The following ABCC6 variants were observed in gnomAD, a reference collection of about 807,000 sequenced individuals.
ABCC6 encodes the protein ATP-binding cassette sub-family C member 6.
ABCC6 carries 126 observed loss-of-function variants against 169.5 expected under a neutral mutation model. The observed-to-expected ratio is 0.74, with a 90% CI of 0.64 to 0.86. The LOEUF is 0.86. Ranked by LOEUF, ABCC6 falls within the 40% of genes least tolerant of loss-of-function variation. The pLI, the probability that ABCC6 is intolerant of heterozygous loss-of-function variation, is 0.00. For missense variants in ABCC6, 1,733 were observed against 1,927.2 expected, an observed-to-expected ratio of 0.90 and a Z score of 1.89; for synonymous variants, 752 against 814.7, an observed-to-expected ratio of 0.92 and a Z score of 1.31.
intron 9 of ABCC6, 150 bp from the exon 10 acceptor site, chr16:16,198,332 G>C: frequency 2.5e-6 from 2 of 799,652 alleles, no homozygotes; most frequent in South Asian, 3.6e-5. Context: ...GGCTCTTTGA[G>C]GATCCACAGA....
At chr16:16,180,404 T>G (rs2047427690) in intron 17 of ABCC6, among the ~76,000 whole-genome samples, 1 of 152,238 alleles carries the variant, frequency 6.6e-6, no homozygotes, top group East Asian at 1.9e-4. Context: ...TAAATGATCA[T>G]TAACTATAAT....
Position 16,176,096 on chromosome 16 carries a change from T to G in ABCC6, c.2591-110A>C. The G allele has an allele frequency of 5.8e-6, 6 of 1,035,930 alleles. No individual in the cohort carries two copies. The East Asian group carries it at 1.5e-4, about 25-fold the overall frequency. 64.2% of individuals were successfully genotyped at this position (1,035,930 alleles called of 1,614,324 possible). On this transcript the variant is annotated intron_variant, in intron 19 of 30. Coordinates refer to ENST00000205557, the MANE Select transcript of ABCC6 (RefSeq NM_001171.6). ...GACCATCCATTTCCCCTGATCTGGC[T>G]CCTGCCACGTCTCCAGCAACCTCTC... is the stretch of plus-strand genomic sequence containing the variant.
intron 14 of ABCC6, 140 bp downstream of exon 14, chr16:16,186,984 A>G: frequency 1.4e-6 from 1 of 736,292 alleles, no homozygotes. Flanking sequence ...TGACACGCAG[A>G]TGGCGTGATC....
intron 11 of ABCC6, among the ~76,000 whole-genome samples, chr16:16,190,691 T>C (rs1198114369): frequency 3.3e-5 from 5 of 151,290 alleles, no homozygotes; most frequent in African/African-American, 1.2e-4. Flanking sequence ...ACGTCTTTTT[T>C]TTTTTTTACC....
intron 10 of ABCC6, among the ~76,000 whole-genome samples, chr16:16,197,718 AG>A (rs571236451): frequency 2.5e-3 from 86 of 34,456 alleles, no homozygotes; most frequent in Non-Finnish European, 4.1e-3. Context: ...GTGCAAGAGG[AG>A]GGGGGCAGGA....
At chr16:16,182,028 A>T (rs1317232555) in intron 17 of ABCC6, 2 of 340,998 alleles carry the variant, frequency 5.9e-6, no homozygotes, top group African/African-American at 2.1e-5. Context: ...CTCCAGATGC[A>T]TATATCCTGT....
intron 25 of ABCC6, among the ~76,000 whole-genome samples, chr16:16,161,051 G>T (rs1012693552): frequency 6.6e-6 from 1 of 152,300 alleles, no homozygotes; most frequent in East Asian, 1.9e-4. Flanking sequence ...TTCTCAGTGA[G>T]CCGAGATTGC....
intron 12 of ABCC6, 146 bp from the exon 13 acceptor site, chr16:16,189,120 C>T: frequency 1.1e-6 from 1 of 902,410 alleles, no homozygotes; most frequent in Non-Finnish European, 1.8e-6. Flanking sequence ...CACTCCCAGT[C>T]CTGCTAACAC....
rs11640896 is a variant in ABCC6, at chr16:16,164,768, C to A, written c.3306+855G>T. Among the ~76,000 whole-genome samples the A allele has an allele frequency of 2.0e-4, 30 of 152,156 alleles. 1 individual carries two copies. The highest frequency in any genetic ancestry group is 4.0e-4 in the Non-Finnish European group (27 of 68,038). ...GGGCCGACCCACATAGTATCTGAGGCAGTAGTCCTGGGCTGGGGCCTAAGA... is the reference window on the plus strand; with the variant it reads ...GGGCCGACCCACATAGTATCTGAGGAAGTAGTCCTGGGCTGGGGCCTAAGA... On this transcript the variant is annotated intron_variant, in intron 23 of 30. Coordinates refer to ENST00000205557, the MANE Select transcript of ABCC6 (RefSeq NM_001171.6).
chr16:16,191,578 C>T (rs991617241), intron 11 of ABCC6, among the ~76,000 whole-genome samples: 13 of 151,244 alleles, frequency 8.6e-5, no homozygotes, highest in East Asian at 1.9e-4. Flanking sequence ...CTCTCTTTCC[C>T]GCCTTTTCTT....
At chr16:16,191,309 T>C (rs112471592) in intron 11 of ABCC6, among the ~76,000 whole-genome samples, 44 of 152,042 alleles carry the variant, frequency 2.9e-4, no homozygotes, top group African/African-American at 1.0e-3. Context: ...GGAGGCAGGG[T>C]TATGCCATGT....
rs183648123 is a variant in ABCC6 at position 16,221,689 on chromosome 16, C to A, written c.179G>T (p.Arg60Leu). ...GAGTGGGGACATCCGGAGGTAGCCC[C>A]GGCCATGGTGGTGGATGAAGAGGAG... The part of the protein sequence containing the change: ...IYLLFIHHHG[R>L]GYLRMSPLFK... The change falls in exon 2 of 31, where the codon CGG becomes CTG. Residue 60 changes from arginine (R) to leucine (L), a missense_variant. Arg to Leu is a moderately radical substitution (Grantham distance 102). Around this residue, in one of 5 missense-constraint regions of ABCC6, gnomAD observed 66 missense variants for 69.5 expected, o/e 0.95. Transcript: ENST00000205557. 8.7e-6 allele frequency: 14 copies of A among 1,613,758 alleles called. No homozygotes were observed. Among genetic ancestry groups the A allele is most frequent in the Non-Finnish European group, 1.1e-5 (13 of 1,179,830 alleles).
At chr16:16,219,003 G>A (rs2048978980) in intron 4 of ABCC6, among the ~76,000 whole-genome samples, 1 of 103,254 alleles carries the variant, frequency 9.7e-6, no homozygotes, top group Admixed American at 1.3e-4. Context: ...GGCAGAAATT[G>A]CAGTGAGCTG....
In ABCC6 at chr16:16,212,325, TC is replaced by T. The variant is rs1167494084; in HGVS notation, c.601-80del. ...GACGAACTGTGTATTTTTTTTTTTT[TC>T]GAGACAGGGTTTCGCTCTGTTGCCC... is the stretch of plus-strand genomic sequence containing the variant. On this transcript the variant is annotated intron_variant, in intron 5 of 30. Coordinates refer to ENST00000205557, the MANE Select transcript of ABCC6 (RefSeq NM_001171.6). 5.9e-6 allele frequency: 6 copies of T among 1,014,424 alleles called. No homozygotes were observed. The African/African-American group carries it at 6.5e-5, about 11-fold the overall frequency. 62.8% of individuals were successfully genotyped at this position (1,014,424 alleles called of 1,614,324 possible).
intron 10 of ABCC6, among the ~76,000 whole-genome samples, chr16:16,196,715 T>C (rs2048050181): frequency 6.6e-6 from 1 of 152,184 alleles, no homozygotes; most frequent in Admixed American, 6.5e-5. Context: ...TTTATTTATT[T>C]GTTGGAGACA....
intron 21 of ABCC6, among the ~76,000 whole-genome samples, chr16:16,171,741 T>C (rs1414319767): frequency 1.3e-5 from 2 of 151,480 alleles, no homozygotes; most frequent in African/African-American, 4.9e-5. Context: ...GGTGAGTGGA[T>C]GGGTTGGACA....
chr16:16,159,565 A>T lies in ABCC6; in HGVS notation c.3652T>A (p.Trp1218Arg), dbSNP rs114017587. ...AGGTCTGTCCAGTTGCGAACAACCCACTGCAGTGTCTGGGTCACCTGGTGC... is the reference window on the plus strand; with the variant it reads ...AGGTCTGTCCAGTTGCGAACAACCCTCTGCAGTGTCTGGGTCACCTGGTGC... ...AALQVTQTLQWVVRNWTDLEN... is the reference protein window; with the variant it reads ...AALQVTQTLQRVVRNWTDLEN... The change falls in exon 26 of 31, where the codon TGG becomes AGG. Residue 1218 changes from tryptophan to arginine, a missense_variant. This residue lies in a region of ABCC6 where 1,601 missense variants were observed against 1,635.5 expected (regional missense o/e 0.98). Transcript: ENST00000205557. 6.2e-7 allele frequency: 1 copy of T among 1,613,964 alleles called. No individual in the cohort carries two copies. Among genetic ancestry groups the T allele is most frequent in the African/African-American group, 1.3e-5 (1 of 74,962 alleles).
chr16:16,196,608 G>A (rs1434862992), intron 10 of ABCC6, among the ~76,000 whole-genome samples: 1 of 152,204 alleles, frequency 6.6e-6, no homozygotes, highest in Non-Finnish European at 1.5e-5. Flanking sequence ...CACAGAGAGA[G>A]TAGGGTCCTT....
intron 26 of ABCC6, among the ~76,000 whole-genome samples, chr16:16,158,017 A>G (rs1596596643): frequency 6.6e-6 from 1 of 152,160 alleles, no homozygotes; most frequent in African/African-American, 2.4e-5. Context: ...AGTCTATTTT[A>G]TTGTTATTAT....
Sources: gnomAD v4.1 joint callset for allele counts (sites outside exome capture counted in the v4.1 genomes callset) on GRCh38, gnomAD v4.1.1 for gene constraint, gnomAD v4.1.1 regional missense constraint, MANE v1.5 for transcripts, NCBI Gene and HGNC (gene_info 2026-07-23, HGNC 2026-07-21) for gene names.